The following HTR2C variants were observed in gnomAD, a reference collection of about 807,000 sequenced individuals.
The protein encoded by HTR2C is 5-hydroxytryptamine (serotonin) receptor 2C, G protein-coupled.
Under a neutral mutation model 21.0 loss-of-function variants are expected in HTR2C, and 5 were observed. The observed-to-expected ratio is 0.24, with a 90% CI of 0.12 to 0.50. The LOEUF (loss-of-function observed/expected upper bound fraction) is 0.50, where lower values mean the gene tolerates loss of function less well. Ranked by LOEUF, HTR2C falls within the 20% of genes least tolerant of loss-of-function variation. HTR2C has a pLI of 0.98. For missense variants in HTR2C, 271 were observed against 371.2 expected (o/e 0.73, Z 2.22); for synonymous variants, 150 against 145.3 (o/e 1.03, Z -0.23).
intron 5 of HTR2C, among the ~76,000 whole-genome samples, chrX:114,892,806 A>G (rs1171891598): frequency 9.0e-6 from 1 of 110,701 alleles, no homozygotes; most frequent in Admixed American, 9.6e-5. Flanking sequence ...AAAATATAAT[A>G]TATTAATATA....
chrX:114,787,932 G>A (rs1415303060), intron 4 of HTR2C, among the ~76,000 whole-genome samples: 8 of 99,406 alleles, frequency 8.0e-5, no homozygotes, highest in Non-Finnish European at 1.6e-4. Flanking sequence ...GGGCAACAGA[G>A]CGAGACTCTG....
chrX:114,608,106 C>T (rs1928550605), intron 1 of HTR2C, among the ~76,000 whole-genome samples: 1 of 111,733 alleles, frequency 8.9e-6, no homozygotes, highest in Admixed American at 9.5e-5. Flanking sequence ...GTCCCTCTTG[C>T]AAAGGGGACT....
intron 2 of HTR2C, among the ~76,000 whole-genome samples, chrX:114,633,984 A>C (rs1929747245): frequency 9.8e-6 from 1 of 101,625 alleles, no homozygotes; most frequent in Non-Finnish European, 2.0e-5. Flanking sequence ...AATGCTATAA[A>C]ATTTTAGCTA....
At chrX:114,713,215 C>T (rs781901547) in intron 2 of HTR2C, among the ~76,000 whole-genome samples, 8 of 111,286 alleles carry the variant, frequency 7.2e-5, no homozygotes, top group Non-Finnish European at 1.3e-4. Context: ...TTCTCTTTCC[C>T]ATTCTCTTCG....
intron 2 of HTR2C, among the ~76,000 whole-genome samples, chrX:114,672,533 A>T (rs1176968106): frequency 1.8e-5 from 2 of 112,392 alleles, no homozygotes; most frequent in African/African-American, 3.2e-5. Context: ...AGACTTGGGC[A>T]ATTTACTTAG....
chrX:114,682,411 A>G (rs782147300), intron 2 of HTR2C, among the ~76,000 whole-genome samples: 5 of 111,561 alleles, frequency 4.5e-5, no homozygotes, highest in African/African-American at 9.7e-5. Flanking sequence ...ACTACTTATT[A>G]TCTATAATTG....
At position 114,603,447 on chromosome X, in the gene HTR2C, G is replaced by A. The variant is rs1297308355; in HGVS notation, c.-146-10368G>A. On this transcript the variant is annotated intron_variant, in intron 1 of 5. Transcript: ENST00000276198. ...AAGTTGTTTGGACAGAAAGGCTACA[G>A]GGTGTGGTCCTGGCTCTTGTGTAAG... Among the ~76,000 whole-genome samples the A allele has an allele frequency of 1.0e-4, 11 of 107,889 alleles. No individual in the cohort carries two copies. In the East Asian group the frequency reaches 3.0e-3, roughly 29 times the overall value. 93.7% of individuals were successfully genotyped at this position (107,889 alleles called of 115,157 possible). A position where few individuals can be genotyped will look rare whatever the true frequency, so the allele number is the denominator to read the frequency against.
chrX:114,609,470 A>C (rs1928626614), intron 1 of HTR2C, among the ~76,000 whole-genome samples: 2 of 111,504 alleles, frequency 1.8e-5, no homozygotes, highest in South Asian at 3.7e-4. Context: ...TGTATTTAAA[A>C]GATTTCTCCT....
At chrX:114,604,314 GT>G (rs1373384470) in intron 1 of HTR2C, among the ~76,000 whole-genome samples, 1 of 110,266 alleles carries the variant, frequency 9.1e-6, no homozygotes, top group Non-Finnish European at 1.9e-5. Context: ...AAAAAGGAGT[GT>G]TTAAAAGGGT....
intron 2 of HTR2C, among the ~76,000 whole-genome samples, chrX:114,638,596 A>G (rs1395978280): frequency 9.4e-6 from 1 of 106,037 alleles, no homozygotes; most frequent in African/African-American, 3.4e-5. Flanking sequence ...ACATATGTAT[A>G]CATGTGACAT....
At chrX:114,703,813 G>C (rs1452306184) in intron 2 of HTR2C, among the ~76,000 whole-genome samples, 2 of 110,372 alleles carry the variant, frequency 1.8e-5, no homozygotes, top group African/African-American at 6.6e-5. Flanking sequence ...TAGACCGCTA[G>C]CAAGACTAAT....
chrX:114,640,603 G>A (rs1423766426), intron 2 of HTR2C, among the ~76,000 whole-genome samples: 1 of 112,004 alleles, frequency 8.9e-6, no homozygotes, highest in Non-Finnish European at 1.9e-5. Flanking sequence ...TTTAATGGTT[G>A]GCTCTTTTGG....
At chrX:114,762,800 C>A (rs897841481) in intron 4 of HTR2C, among the ~76,000 whole-genome samples, 3 of 112,051 alleles carry the variant, frequency 2.7e-5, no homozygotes, top group Non-Finnish European at 5.6e-5. Flanking sequence ...CCTACCTGGT[C>A]CCTAAAAGTG....
chrX:114,897,997 G>C (rs782067914), intron 5 of HTR2C, among the ~76,000 whole-genome samples: 1 of 112,475 alleles, frequency 8.9e-6, no homozygotes, highest in Non-Finnish European at 1.9e-5. Context: ...CTTCCACAGT[G>C]GTTAAACTAA....
intron 2 of HTR2C, among the ~76,000 whole-genome samples, chrX:114,699,495 A>G (rs1347494006): frequency 8.9e-6 from 1 of 112,049 alleles, no homozygotes; most frequent in Non-Finnish European, 1.9e-5. Flanking sequence ...GCCTAATACC[A>G]TGTCACCAGC....
At chrX:114,828,967 A>T (rs1281520769) in intron 4 of HTR2C, among the ~76,000 whole-genome samples, 2 of 111,916 alleles carry the variant, frequency 1.8e-5, no homozygotes, top group Non-Finnish European at 3.8e-5. Context: ...CTGTTTATTC[A>T]TCTGTCAGTT....
At chrX:114,796,585 C>A (rs180698256) in intron 4 of HTR2C, among the ~76,000 whole-genome samples, 3 of 111,779 alleles carry the variant, frequency 2.7e-5, no homozygotes, top group Non-Finnish European at 1.9e-5. Context: ...GCAGAGGAGG[C>A]AAACTGCATT....
At chrX:114,775,292 G>C in intron 4 of HTR2C, 2 of 526,801 alleles carry the variant, frequency 3.8e-6, no homozygotes, top group Non-Finnish European at 7.0e-6. Flanking sequence ...CTACACTCTT[G>C]TCCACAGCAG....
At chrX:114,875,289 A>G (rs1171482088) in intron 5 of HTR2C, among the ~76,000 whole-genome samples, 1 of 112,027 alleles carries the variant, frequency 8.9e-6, no homozygotes, top group Non-Finnish European at 1.9e-5. Flanking sequence ...TGAGTGGGAC[A>G]CACATTCAGA....
Sources: allele counts gnomAD v4.1 joint callset (sites outside exome capture counted in the v4.1 genomes callset), GRCh38; gene constraint gnomAD v4.1.1; transcripts MANE v1.5; gene names NCBI Gene and HGNC (gene_info 2026-07-23, HGNC 2026-07-21).